Variants in BCL2L12 observed in about 807,000 individuals in gnomAD.
The protein encoded by BCL2L12 is BCL2 like 12.
A neutral mutation model predicts 25.7 loss-of-function variants in BCL2L12; 27 were observed. The observed-to-expected ratio is 1.05, with a 90% confidence interval of 0.78 to 1.45. The LOEUF is 1.45. Among genes scored for constraint, BCL2L12 ranks in the 40% most tolerant of loss-of-function variants. The pLI is 0.00. For missense variants in BCL2L12, 302 were observed against 329.8 expected (o/e 0.92, Z 0.65); for synonymous variants, 132 against 145.6 (o/e 0.91, Z 0.67).
chr19:49,665,796 A>G, upstream of BCL2L12: 2 of 1,566,684 alleles, frequency 1.3e-6, no homozygotes, highest in South Asian at 1.1e-5. Context: ...CAACTTTATC[A>G]TTCTTTGGGT....
chr19:49,673,161 G>C (rs2081995052), intron 6 of BCL2L12, among the ~76,000 whole-genome samples: 1 of 151,870 alleles, frequency 6.6e-6, no homozygotes, highest in Admixed American at 6.6e-5. Flanking sequence ...TACCACGCCT[G>C]GACAATTTCT....
chr19:49,672,286 C>G lies in BCL2L12; in HGVS notation c.703-1412C>G, dbSNP rs1488381719. 1 of 153,000 alleles carries G rather than the reference C, an allele frequency of 6.5e-6. No individual in the cohort carries two copies. Among genetic ancestry groups the G allele is most frequent in the East Asian group, 1.9e-4 (1 of 5,230 alleles). 9.5% of individuals were successfully genotyped at this position (153,000 alleles called of 1,614,324 possible). A position where few individuals can be genotyped will look rare whatever the true frequency, so the allele number is the denominator to read the frequency against. The stretch of plus-strand genomic sequence containing the variant: ...GACACAAGCCAGGCTCTGGATGGAA[C>G]CGGTTTCCCTGGCAGGAGCTGGTCA... On this transcript the variant is annotated intron_variant, in intron 6 of 6. Coordinates refer to ENST00000246784, the MANE Select transcript of BCL2L12 (RefSeq NM_138639.2). The surrounding 1 kb of genome is among the most constrained non-coding windows in gnomAD (Gnocchi z 4.1).
At chr19:49,668,794 G>A in intron 3 of BCL2L12, 57 bp from the exon 4 acceptor site, 1 of 1,505,984 alleles carries the variant, frequency 6.6e-7, no homozygotes, top group Non-Finnish European at 9.2e-7. Flanking sequence ...GGGGGAAGGA[G>A]AGAATCCGTA....
At chr19:49,671,914 C>T (rs933083880) in intron 6 of BCL2L12, among the ~76,000 whole-genome samples, 1 of 152,170 alleles carries the variant, frequency 6.6e-6, no homozygotes, top group Admixed American at 6.5e-5. Flanking sequence ...TGCACACCCT[C>T]CCACCGCCCT....
intron 3 of BCL2L12, 111 bp downstream of exon 3, chr19:49,667,272 A>G: frequency 2.1e-6 from 3 of 1,459,444 alleles, no homozygotes; most frequent in Non-Finnish European, 2.8e-6. Context: ...ACCAGCCTTC[A>G]GGACAGAACC....
At chr19:49,665,709 G>A (rs546839482), upstream of BCL2L12, 711 of 1,395,156 alleles carry the variant, frequency 5.1e-4, 2 homozygotes, top group Non-Finnish European at 6.3e-4. Flanking sequence ...CAAACTCGAG[G>A]CTGCGCACCC....
chr19:49,667,245 T>C (rs376604695), intron 3 of BCL2L12, 84 bp downstream of exon 3: 1 of 1,552,986 alleles, frequency 6.4e-7, no homozygotes. Context: ...AGGGGGTGGC[T>C]GTGTGGAGTC....
In BCL2L12 at chr19:49,665,998, A is replaced by G; in HGVS notation, c.-78A>G. On this transcript the variant is annotated 5_prime_UTR_variant, in exon 1 of 7. Transcript: ENST00000246784. ...CAGGCGCGGGAAAGTTGAACTAATA[A>G]AGTTTGTACGAGTTCAGTGGAGGAG... 6.2e-7 allele frequency: 1 copy of G among 1,602,754 alleles called. No individual in the cohort carries two copies. Among genetic ancestry groups the G allele is most frequent in the Non-Finnish European group, 8.5e-7 (1 of 1,173,894 alleles).
chr19:49,665,577 C>T, upstream of BCL2L12: 1 of 517,274 alleles, frequency 1.9e-6, no homozygotes, highest in South Asian at 2.4e-5. Flanking sequence ...CATCCTCTTT[C>T]CCGCTCCTCG....
At chr19:49,671,525 C>T (rs2081961915) in intron 6 of BCL2L12, among the ~76,000 whole-genome samples, 1 of 152,138 alleles carries the variant, frequency 6.6e-6, no homozygotes, top group African/African-American at 2.4e-5. Context: ...CTCCCAGCTA[C>T]TCAGGAGGCA....
At position 49,670,289 on chromosome 19, in the gene BCL2L12, T is replaced by C; in HGVS notation, c.503T>C (p.Leu168Pro). Residue 168 changes from leucine (L) to proline (P), a missense_variant, in exon 6 of 7, where the codon CTG becomes CCG. Leu to Pro is a moderately conservative substitution (Grantham distance 98, BLOSUM62 -3). Transcript: ENST00000246784. ...GACTCTTTCGCCCGCCTGGTGGAGC[T>C]GTTCTGTAGCCGGGATGACAGCTCT... ...SSDSFARLVE[L>P]FCSRDDSSRP... The C allele has an allele frequency of 1.9e-6, 3 of 1,611,248 alleles. No individual in the cohort carries two copies. The highest frequency in any genetic ancestry group is 1.7e-6 in the Non-Finnish European group (2 of 1,179,466).
upstream of BCL2L12, chr19:49,665,691 G>A (rs745580567): frequency 1.2e-5 from 15 of 1,253,860 alleles, no homozygotes; most frequent in Non-Finnish European, 1.6e-5. Flanking sequence ...GGAGCTCCGG[G>A]TAGCTCTCAA....
chr19:49,666,411 TAA>T (rs1302765342), intron 1 of BCL2L12, among the ~76,000 whole-genome samples: 1 of 152,158 alleles, frequency 6.6e-6, no homozygotes, highest in African/African-American at 2.4e-5. Flanking sequence ...CCTTTTTCTC[TAA>T]GACTCAGAAG....
chr19:49,670,581 C>G (rs747161892), intron 6 of BCL2L12, 93 bp downstream of exon 6: 5 of 1,451,910 alleles, frequency 3.4e-6, no homozygotes, highest in Non-Finnish European at 3.7e-6. Context: ...CCTCTCAGAC[C>G]TCAGGTATTC....
At chr19:49,668,026 C>T (rs886378861) in intron 3 of BCL2L12, among the ~76,000 whole-genome samples, 1 of 152,016 alleles carries the variant, frequency 6.6e-6, no homozygotes, top group African/African-American at 2.4e-5. Flanking sequence ...GTGACCCTCC[C>T]ACGTCGGCCT....
upstream of BCL2L12, chr19:49,665,539 G>T: frequency 2.6e-6 from 1 of 381,678 alleles, no homozygotes; most frequent in Non-Finnish European, 4.8e-6. Context: ...AGAGTACACA[G>T]CCTGCCTTTC....
At chr19:49,670,189 G>A (rs1599919250) in intron 5 of BCL2L12, 27 bp from the exon 6 acceptor site, 5 of 1,593,084 alleles carry the variant, frequency 3.1e-6, no homozygotes, top group Non-Finnish European at 4.2e-6. Flanking sequence ...CGCTGCTGAC[G>A]CGGACCCTGC....
Position 49,667,082 on chromosome 19 carries a change from C to T in BCL2L12, c.171C>T (p.Ser57=). The T allele has an allele frequency of 2.5e-6, 4 of 1,614,036 alleles. No individual in the cohort carries two copies. Among genetic ancestry groups the T allele is most frequent in the Non-Finnish European group, 3.4e-6 (4 of 1,180,032 alleles). The change falls in exon 3 of 7, where the codon TCC becomes TCT. Residue 57 remains serine (S), a synonymous_variant. Transcript: ENST00000246784. ...GCCTTCGAAGATGTCTTCCCTGCTC[C>T]CTGGGGCGAGGAGCAGCCCCCTCTG... ...LSRLRRCLPC[S]LGRGAAPSES... is the part of the protein sequence containing the mutation.
intron 5 of BCL2L12, 51 bp from the exon 6 acceptor site, chr19:49,670,165 G>A (rs754329698): frequency 1.3e-6 from 2 of 1,576,198 alleles, no homozygotes; most frequent in Non-Finnish European, 1.7e-6. Context: ...CCCTCTATTG[G>A]CTGGCCCCGG....
Sources: gnomAD v4.1 joint callset for allele counts (sites outside exome capture counted in the v4.1 genomes callset) on GRCh38, gnomAD v4.1.1 for gene constraint, Gnocchi (gnomAD v3.1) non-coding constraint, MANE v1.5 for transcripts, NCBI Gene and HGNC (gene_info 2026-07-23, HGNC 2026-07-21) for gene names.